Variants in GTF2F2 observed in about 807,000 individuals in gnomAD.
GTF2F2 encodes the protein ATP-dependent helicase GTF2F2.
GTF2F2 carries 23 observed loss-of-function variants against 42.2 expected under a neutral mutation model. That is an observed-to-expected ratio of 0.55 (90% confidence interval 0.39 to 0.77). GTF2F2 has a LOEUF of 0.77. Among genes scored for constraint, GTF2F2 ranks in the 30% least tolerant of loss-of-function variants. The pLI is 0.00. For missense variants in GTF2F2, 261 were observed against 287.2 expected (o/e 0.91, Z 0.66); for synonymous variants, 105 against 100.8 (o/e 1.04, Z -0.25).
chr13:45,241,013 T>C (rs933252406), intron 5 of GTF2F2, among the ~76,000 whole-genome samples: 1 of 144,064 alleles, frequency 6.9e-6, no homozygotes, highest in South Asian at 2.2e-4. Flanking sequence ...ATTAGTCGGG[T>C]GTGGTGGCAT....
intron 4 of GTF2F2, among the ~76,000 whole-genome samples, chr13:45,175,658 T>G (rs547994202): frequency 2.0e-5 from 3 of 152,340 alleles, no homozygotes; most frequent in African/African-American, 7.2e-5. Flanking sequence ...GGTTCGCTCT[T>G]TTTGCCCAGG....
chr13:45,240,142 A>G (rs1169240167), intron 5 of GTF2F2, among the ~76,000 whole-genome samples: 1 of 128,310 alleles, frequency 7.8e-6, no homozygotes, highest in Non-Finnish European at 1.6e-5. Context: ...CTTAGCCTGA[A>G]CACCAACTGC....
At chr13:45,126,652 T>C (rs1036531067) in intron 1 of GTF2F2, among the ~76,000 whole-genome samples, 7 of 148,354 alleles carry the variant, frequency 4.7e-5, no homozygotes, top group Admixed American at 2.7e-4. Flanking sequence ...TATGTTACAG[T>C]GAACAAAACG....
At chr13:45,148,347 A>T (rs1266614268) in intron 2 of GTF2F2, among the ~76,000 whole-genome samples, 2 of 152,218 alleles carry the variant, frequency 1.3e-5, no homozygotes, top group Non-Finnish European at 1.5e-5. Context: ...GTACTGTGAT[A>T]TTCAAGAGCT....
chr13:45,194,560 C>T (rs562563207), intron 4 of GTF2F2: 35 of 1,607,168 alleles, frequency 2.2e-5, no homozygotes, highest in African/African-American at 1.5e-4. Context: ...GTTTATTTTA[C>T]GCTCCATTTT....
intron 7 of GTF2F2, among the ~76,000 whole-genome samples, chr13:45,268,426 TCTTTA>T: frequency 6.6e-6 from 1 of 152,298 alleles, no homozygotes; most frequent in East Asian, 1.9e-4. Flanking sequence ...TGCAGATATT[TCTTTA>T]CTATTATACA....
At chr13:45,120,910 A>G (rs1868596082) in intron 1 of GTF2F2, among the ~76,000 whole-genome samples, 189 bp downstream of exon 1, 2 of 152,182 alleles carry the variant, frequency 1.3e-5, no homozygotes, top group African/African-American at 4.8e-5. Flanking sequence ...AGGGACGCAA[A>G]GTGTCTTTCA....
chr13:45,230,878 A>G (rs1313883888), intron 5 of GTF2F2, among the ~76,000 whole-genome samples: 1 of 152,168 alleles, frequency 6.6e-6, no homozygotes, highest in Admixed American at 6.5e-5. Context: ...AGGATAAGAC[A>G]GAAGTGTTTA....
chr13:45,239,117 C>T (rs1875150952), intron 5 of GTF2F2, among the ~76,000 whole-genome samples: 1 of 152,110 alleles, frequency 6.6e-6, no homozygotes, highest in East Asian at 1.9e-4. Flanking sequence ...TGCCTGCCTC[C>T]CTGGCCCCTC....
chr13:45,259,630 TTC>T, intron 6 of GTF2F2, among the ~76,000 whole-genome samples: 1 of 151,368 alleles, frequency 6.6e-6, no homozygotes, highest in African/African-American at 2.4e-5. Flanking sequence ...GGAAACCTCT[TTC>T]TCGCAAACCT....
chr13:45,123,829 T>C (rs547529090), intron 1 of GTF2F2, among the ~76,000 whole-genome samples: 4 of 151,344 alleles, frequency 2.6e-5, no homozygotes, highest in Admixed American at 2.0e-4. Context: ...ACAGGGGACT[T>C]TATTGATGGC....
chr13:45,123,855 G>T (rs1483917715), intron 1 of GTF2F2, among the ~76,000 whole-genome samples: 2 of 150,822 alleles, frequency 1.3e-5, no homozygotes, highest in Non-Finnish European at 3.0e-5. Context: ...ACAAGGCAGG[G>T]CTCCCTAGGC....
intron 6 of GTF2F2, among the ~76,000 whole-genome samples, chr13:45,263,165 C>G (rs1246053335): frequency 6.6e-6 from 1 of 151,892 alleles, no homozygotes. Context: ...TTAAATTTCT[C>G]TAGTGAGGAA....
chr13:45,212,518 TTCTCTTTC>T (rs1300796900), intron 5 of GTF2F2, among the ~76,000 whole-genome samples: 1 of 137,352 alleles, frequency 7.3e-6, no homozygotes, highest in Non-Finnish European at 1.6e-5. Context: ...TTTTCTTTCT[TTCTCTTTC>T]TCTCTTTCTC....
At chr13:45,211,476 C>G (rs965005547) in intron 5 of GTF2F2, among the ~76,000 whole-genome samples, 3 of 150,862 alleles carry the variant, frequency 2.0e-5, no homozygotes, top group African/African-American at 7.3e-5. Flanking sequence ...ACTATGTTGC[C>G]CAGGCTGATC....
In GTF2F2 at chr13:45,209,274, G is replaced by GT. The variant is rs561528960; in HGVS notation, c.386+1771dup. 3.3e-5 allele frequency among the ~76,000 whole-genome samples: 5 copies of GT among 152,286 alleles called. No individual in the cohort carries two copies. In the South Asian group the frequency reaches 6.2e-4, roughly 19 times the overall value. On this transcript the variant is annotated intron_variant, in intron 5 of 7. Coordinates refer to ENST00000340473, the MANE Select transcript of GTF2F2 (RefSeq NM_004128.3). ...TAGATACACAAATACTTAAAATTGTGTTACAGTTGCCTACAGTATTCATTA... is the reference window on the plus strand; with the variant it reads ...TAGATACACAAATACTTAAAATTGTGTTTACAGTTGCCTACAGTATTCATTA...
intron 5 of GTF2F2, among the ~76,000 whole-genome samples, chr13:45,215,809 G>A (rs1295743058): frequency 3.3e-5 from 5 of 151,828 alleles, no homozygotes; most frequent in African/African-American, 1.2e-4. Flanking sequence ...ACTCCTTAGG[G>A]AAACTCAGTG....
At chr13:45,229,394 G>A (rs186664733) in intron 5 of GTF2F2, among the ~76,000 whole-genome samples, 1 of 151,908 alleles carries the variant, frequency 6.6e-6, no homozygotes, top group Non-Finnish European at 1.5e-5. Context: ...CCAGGCAGCT[G>A]CCCCCTCTTC....
chr13:45,162,141 T>A (rs1871069239), intron 4 of GTF2F2, among the ~76,000 whole-genome samples: 1 of 152,186 alleles, frequency 6.6e-6, no homozygotes, highest in African/African-American at 2.4e-5. Context: ...TTCCTGATAT[T>A]TAGAAATATA....
Sources: allele counts gnomAD v4.1 joint callset (sites outside exome capture counted in the v4.1 genomes callset), GRCh38; gene constraint gnomAD v4.1.1; transcripts MANE v1.5; gene names NCBI Gene and HGNC (gene_info 2026-07-23, HGNC 2026-07-21).